CABYR: variants seen among roughly 807,000 people sequenced by gnomAD.
CABYR encodes calcium-binding tyrosine phosphorylation-regulated protein.
Under a neutral mutation model 36.1 loss-of-function variants are expected in CABYR, and 31 were observed. That is an observed-to-expected ratio of 0.86 (90% confidence interval 0.64 to 1.16). CABYR has a LOEUF of 1.16. CABYR is among the 50% of genes most tolerant of loss of function. The probability of loss-of-function intolerance (pLI) is 0.00; values close to 1 mark genes in which losing one functional copy is unlikely to be tolerated. For missense variants in CABYR, 429 were observed against 455.8 expected (o/e 0.94, Z 0.53); for synonymous variants, 146 against 160.7 (o/e 0.91, Z 0.69).
At chr18:24,141,482 T>G (rs62089642) in intron 1 of CABYR, among the ~76,000 whole-genome samples, 22 of 151,912 alleles carry the variant, frequency 1.4e-4, no homozygotes, top group African/African-American at 5.1e-4. Context: ...ATACAACTGA[T>G]GTGTTTTTCA....
At chr18:24,159,411 C>CAAAGACTTACTATG in intron 4 of CABYR, 61 bp from the exon 5 acceptor site, 1 of 1,109,184 alleles carries the variant, frequency 9.0e-7, no homozygotes, top group Non-Finnish European at 1.3e-6. Context: ...AAAGACATTA[C>CAAAGACTTACTATG]TATGCATAGT....
intron 1 of CABYR, among the ~76,000 whole-genome samples, chr18:24,140,619 G>T (rs1258464070): frequency 6.6e-6 from 1 of 152,094 alleles, no homozygotes; most frequent in East Asian, 1.9e-4. Flanking sequence ...TAGACACCCT[G>T]TTGTGCTTTC....
At chr18:24,150,831 G>C (rs925928238) in intron 3 of CABYR, among the ~76,000 whole-genome samples, 1 of 147,908 alleles carries the variant, frequency 6.8e-6, no homozygotes, top group Non-Finnish European at 1.5e-5. Context: ...CCAGGCTGGA[G>C]TGCAGTAGTG....
rs781161703 is a variant in CABYR, at chr18:24,145,702, C to T, written c.199+2289C>T. Among the ~76,000 whole-genome samples, 35 of 152,076 alleles carry T rather than the reference C, an allele frequency of 2.3e-4. 1 individual carries two copies. Among genetic ancestry groups the T allele is most frequent in the Non-Finnish European group, 3.2e-4 (22 of 68,018 alleles). Reference sequence around the variant, plus strand: ...TGAAAGCTAAGTCGAGAGATCAGAACCGTTTAGTGTTGGGAGAGGCTTTGC... The same window carrying T: ...TGAAAGCTAAGTCGAGAGATCAGAATCGTTTAGTGTTGGGAGAGGCTTTGC... On this transcript the variant is annotated intron_variant, in intron 3 of 5. Transcript: ENST00000399496.
intron 4 of CABYR, among the ~76,000 whole-genome samples, chr18:24,159,181 G>C (rs1318247): frequency 6.6e-6 from 1 of 152,184 alleles, no homozygotes; most frequent in Non-Finnish European, 1.5e-5. Flanking sequence ...GCCTATAGAA[G>C]CCACGTCTAA....
intron 3 of CABYR, among the ~76,000 whole-genome samples, chr18:24,150,332 T>C (rs1012316494): frequency 3.3e-5 from 5 of 152,210 alleles, no homozygotes; most frequent in African/African-American, 9.6e-5. Context: ...CCATGCCCTC[T>C]TTTGCTTTCC....
At chr18:24,150,285 C>T (rs890410888) in intron 3 of CABYR, among the ~76,000 whole-genome samples, 5 of 152,346 alleles carry the variant, frequency 3.3e-5, no homozygotes, top group Middle Eastern at 3.4e-3. Flanking sequence ...GAGAGATTAC[C>T]TAGGATAGGC....
chr18:24,147,413 A>G (rs1417278422), intron 3 of CABYR, among the ~76,000 whole-genome samples: 1 of 152,174 alleles, frequency 6.6e-6, no homozygotes, highest in Non-Finnish European at 1.5e-5. Flanking sequence ...TGGGACCAGG[A>G]CAAAGATCTC....
intron 3 of CABYR, 125 bp from the exon 4 acceptor site, chr18:24,155,576 C>G: frequency 1.4e-6 from 1 of 714,056 alleles, no homozygotes; most frequent in South Asian, 2.2e-5. Flanking sequence ...CCTGCCTCAG[C>G]CTTCCAAAGT....
intron 1 of CABYR, 139 bp from the exon 2 acceptor site, chr18:24,142,952 G>A (rs2085361389): frequency 2.0e-6 from 1 of 496,242 alleles, no homozygotes; most frequent in Non-Finnish European, 3.4e-6. Flanking sequence ...AGAATCGCTT[G>A]AACCTGGGAG....
At chr18:24,142,030 A>G (rs1037482871) in intron 1 of CABYR, among the ~76,000 whole-genome samples, 1 of 152,234 alleles carries the variant, frequency 6.6e-6, no homozygotes, top group African/African-American at 2.4e-5. Flanking sequence ...ATGCACACTT[A>G]AACATGAGCA....
At chr18:24,149,446 G>C (rs1329306891) in intron 3 of CABYR, among the ~76,000 whole-genome samples, 1 of 152,358 alleles carries the variant, frequency 6.6e-6, no homozygotes, top group East Asian at 1.9e-4. Context: ...AGACATAAAG[G>C]TTCTCCACGT....
intron 3 of CABYR, among the ~76,000 whole-genome samples, chr18:24,151,198 T>A (rs1384498144): frequency 6.6e-6 from 1 of 152,232 alleles, no homozygotes. Flanking sequence ...ATGCTTGGAA[T>A]TTATCTCTTT....
chr18:24,146,268 A>G (rs1320073873), intron 3 of CABYR, among the ~76,000 whole-genome samples: 2 of 152,246 alleles, frequency 1.3e-5, no homozygotes, highest in Non-Finnish European at 2.9e-5. Context: ...CATTTATTCC[A>G]TAACTGCAAA....
At chr18:24,156,794 T>C in intron 4 of CABYR, 1 of 1,614,098 alleles carries the variant, frequency 6.2e-7, no homozygotes, top group Non-Finnish European at 8.5e-7. Context: ...CTGACAATAC[T>C]GGGCAGGAGG....
chr18:24,156,035 G>A lies in CABYR; in HGVS notation c.534G>A (p.Gln178=). 6.2e-7 allele frequency: 1 copy of A among 1,614,192 alleles called. No individual in the cohort carries two copies. Among genetic ancestry groups the A allele is most frequent in the South Asian group, 1.1e-5 (1 of 91,080 alleles). Residue 178 remains glutamine (Q), a synonymous_variant, in exon 4 of 6, where the codon CAG becomes CAA. Coordinates refer to ENST00000399496, the MANE Select transcript of CABYR (RefSeq NM_153769.3). ...VPADPAQLAA[Q]MLAMATSERG... is the part of the protein sequence containing the mutation. ...CTGACCCAGCTCAGCTTGCTGCTCA[G>A]ATGTTAGGTAAAGTTTCATCTATTC...
At chr18:24,148,155 G>A (rs1454979342) in intron 3 of CABYR, among the ~76,000 whole-genome samples, 1 of 152,172 alleles carries the variant, frequency 6.6e-6, no homozygotes, top group Non-Finnish European at 1.5e-5. Context: ...GCCAAAGGAG[G>A]CTGATACAAT....
intron 4 of CABYR, among the ~76,000 whole-genome samples, chr18:24,158,320 CTTT>C (rs111636953): frequency 7.5e-6 from 1 of 132,936 alleles, no homozygotes. Flanking sequence ...AGTATTATTT[CTTT>C]TTTTTTTTTT....
In CABYR at chr18:24,159,780, C is replaced by T. The variant is rs781484521; in HGVS notation, c.850C>T (p.Gln284Ter). 6.2e-7 allele frequency: 1 copy of T among 1,614,070 alleles called. No homozygotes were observed. Among genetic ancestry groups the T allele is most frequent in the Non-Finnish European group, 8.5e-7 (1 of 1,180,026 alleles). The change falls in exon 5 of 6, where the codon CAG (glutamine) becomes TAG (stop). Residue 284 changes from glutamine to a stop codon, truncating the protein, a stop_gained. Coordinates refer to ENST00000399496, the MANE Select transcript of CABYR (RefSeq NM_153769.3). LOFTEE classifies it high-confidence loss of function. ...TCTTCCTGGACATGCTGTCGTTTCA[C>T]AGTCAGATGTCTTGAGATATGTTGC... The part of the protein sequence containing the change: ...KPLPGHAVVS[Q>*]SDVLRYVAMQ...
Sources: gnomAD v4.1 joint callset for allele counts (sites outside exome capture counted in the v4.1 genomes callset) on GRCh38, gnomAD v4.1.1 for gene constraint, MANE v1.5 for transcripts, NCBI Gene and HGNC (gene_info 2026-07-23, HGNC 2026-07-21) for gene names.